The following GATD1 variants were observed in gnomAD, a reference collection of about 807,000 sequenced individuals.
GATD1 encodes glutamine amidotransferase class 1 domain containing 1, also known as glutamine amidotransferase-like class 1 domain-containing protein 1.
GATD1 carries 23 observed loss-of-function variants against 25.9 expected under a neutral mutation model. The ratio of observed to expected loss-of-function variants is 0.89; its 90% CI spans 0.64 to 1.26. GATD1 has a LOEUF of 1.26. Ranked by LOEUF, GATD1 falls within the 50% of genes most tolerant of loss-of-function variation. GATD1 has a pLI of 0.00. For synonymous variants in GATD1, 177 were observed against 134.6 expected (o/e 1.31, Z -2.18); for missense variants, 347 against 312.5 (o/e 1.11, Z -0.83).
Position 771,297 on chromosome 11 carries a change from T to C in GATD1, c.544+36A>G, listed in dbSNP as rs891857990. The C allele has an allele frequency of 3.7e-6, 6 of 1,600,354 alleles. No homozygotes were observed. The East Asian group carries it at 1.1e-4, about 30-fold the overall frequency. ...TGCAGCAGGGAAGCCCCCCACCCCATCTTCTGTAAGTGCAGGGGGCACCCT... is the reference window on the plus strand; with the variant it reads ...TGCAGCAGGGAAGCCCCCCACCCCACCTTCTGTAAGTGCAGGGGGCACCCT... On this transcript the variant is annotated intron_variant, in intron 6 of 7. Coordinates refer to ENST00000319863, the MANE Select transcript of GATD1 (RefSeq NM_182612.4).
Position 776,506 on chromosome 11 carries a change from C to CA in GATD1, c.64+892dup, listed in dbSNP as rs1339215486. Among the ~76,000 whole-genome samples, 4 of 151,838 alleles carry CA rather than the reference C, an allele frequency of 2.6e-5. No homozygotes were observed. In the East Asian group the frequency reaches 7.8e-4, roughly 30 times the overall value. On this transcript the variant is annotated intron_variant, in intron 1 of 7. Coordinates refer to ENST00000319863, the MANE Select transcript of GATD1 (RefSeq NM_182612.4). ...GGAAACAAGCCCCAACCCACCCCCCCAGGACTGAACCCCACTCGAGGCTCC... is the reference window on the plus strand; with the variant it reads ...GGAAACAAGCCCCAACCCACCCCCCCAAGGACTGAACCCCACTCGAGGCTCC...
In GATD1 at chr11:767,521, GC is replaced by G; in HGVS notation, c.*3375del. On this transcript the variant is annotated 3_prime_UTR_variant, in exon 8 of 8. Coordinates refer to ENST00000319863, the MANE Select transcript of GATD1 (RefSeq NM_182612.4). Reference sequence around the variant, plus strand: ...GTCAGAACCCACTTCACATCCCAAAGCCCCACCTGCTTTGATCTTCAATGCT... The same window carrying G: ...GTCAGAACCCACTTCACATCCCAAAGCCCACCTGCTTTGATCTTCAATGCT... 2 of 1,426,454 alleles carry G rather than the reference GC, an allele frequency of 1.4e-6. No individual in the cohort carries two copies. The highest frequency in any genetic ancestry group is 1.8e-6 in the Non-Finnish European group (2 of 1,096,348). The allele number at this position is 1,426,454 out of a possible 1,614,324, so 88.4% of individuals were successfully genotyped here.
At position 767,430 on chromosome 11, in the gene GATD1, CGCA is replaced by C; in HGVS notation, c.*3464_*3466del. The C allele has an allele frequency of 6.6e-7, 1 of 1,510,534 alleles. No individual in the cohort carries two copies. The highest frequency in any genetic ancestry group is 8.8e-7 in the Non-Finnish European group (1 of 1,134,678). 93.6% of individuals were successfully genotyped at this position (1,510,534 alleles called of 1,614,324 possible). A position where few individuals can be genotyped will look rare whatever the true frequency, so the allele number is the denominator to read the frequency against. ...GGCTCTCCAAGCCAGAGGCCTCGCACGCAGCTGAGGAATGACGCAGGGGCCTGC... is the reference window on the plus strand; with the variant it reads ...GGCTCTCCAAGCCAGAGGCCTCGCACGCTGAGGAATGACGCAGGGGCCTGC... On this transcript the variant is annotated 3_prime_UTR_variant, in exon 8 of 8. Transcript: ENST00000319863.
intron 3 of GATD1, 146 bp downstream of exon 3, chr11:773,862 G>C: frequency 2.7e-6 from 2 of 741,170 alleles, no homozygotes; most frequent in South Asian, 3.6e-5. Context: ...CTGGGGCCCA[G>C]GATGTGGGGC....
chr11:775,211 C>T, intron 1 of GATD1, 69 bp from the exon 2 acceptor site: 1 of 1,346,804 alleles, frequency 7.4e-7, no homozygotes, highest in South Asian at 1.3e-5. Flanking sequence ...GCTACCCAGA[C>T]ACCCCCATGG....
chr11:773,870 G>C (rs538287727), intron 3 of GATD1, 138 bp downstream of exon 3: 1 of 765,278 alleles, frequency 1.3e-6, no homozygotes, highest in Non-Finnish European at 2.1e-6. Context: ...CAGGATGTGG[G>C]GCTGGAGGCT....
intron 4 of GATD1, 184 bp downstream of exon 4, chr11:773,338 A>G: frequency 1.7e-6 from 1 of 573,682 alleles, no homozygotes; most frequent in Non-Finnish European, 3.1e-6. Context: ...GGAGACGACA[A>G]AGTCTGTGTG....
chr11:772,099 G>C (rs1332017135), intron 5 of GATD1, among the ~76,000 whole-genome samples: 3 of 152,184 alleles, frequency 2.0e-5, no homozygotes, highest in Non-Finnish European at 4.4e-5. Flanking sequence ...GACTGCACAC[G>C]CAAGTCTGAT....
At chr11:773,427 C>T in intron 4 of GATD1, 95 bp downstream of exon 4, 1 of 1,049,908 alleles carries the variant, frequency 9.5e-7, no homozygotes, top group Non-Finnish European at 1.4e-6. Context: ...GAAACGCCTA[C>T]CTGGAGTCTT....
chr11:774,714 C>T (rs531248978), intron 2 of GATD1, among the ~76,000 whole-genome samples: 78 of 152,328 alleles, frequency 5.1e-4, no homozygotes, highest in African/African-American at 1.8e-3. Context: ...CCTGTAATCC[C>T]AGCTACTCGG....
At chr11:776,504 C>A (rs557869497) in intron 1 of GATD1, among the ~76,000 whole-genome samples, 3 of 152,052 alleles carry the variant, frequency 2.0e-5, no homozygotes, top group African/African-American at 4.8e-5. Flanking sequence ...AACCCACCCC[C>A]CCAGGACTGA....
Position 774,093 on chromosome 11 carries a change from C to A in GATD1, c.162G>T (p.Val54=). The A allele has an allele frequency of 2.5e-6, 4 of 1,613,664 alleles. No individual in the cohort carries two copies. Among genetic ancestry groups the A allele is most frequent in the Non-Finnish European group, 3.4e-6 (4 of 1,179,962 alleles). ...ATPGGKAMEF[V]DVTESNARWV... is the part of the protein sequence containing the mutation. ...AGCGTGCATTGCTCTCAGTCACATC[C>A]ACAAATTCCATGGCTTTCCCCTGGA... Residue 54 remains valine (V), a synonymous_variant, in exon 3 of 8, where the codon GTG becomes GTT. Coordinates refer to ENST00000319863, the MANE Select transcript of GATD1 (RefSeq NM_182612.4).
rs1161731497 is a variant in GATD1 at position 768,952 on chromosome 11, T to C, written c.*1945A>G. 1 of 180,604 alleles carries C rather than the reference T, an allele frequency of 5.5e-6. No individual in the cohort carries two copies. The highest frequency in any genetic ancestry group is 1.1e-5 in the Non-Finnish European group (1 of 94,376). The allele number at this position is 180,604 out of a possible 1,614,324, so 11.2% of individuals were successfully genotyped here. A position where few individuals can be genotyped will look rare whatever the true frequency, so the allele number is the denominator to read the frequency against. On this transcript the variant is annotated 3_prime_UTR_variant, in exon 8 of 8. Transcript: ENST00000319863. ...TCGGTCTCTACGAAAAATACAAAAA[T>C]TAGCCAGGCGTGGTGGCGCACACCT...
chr11:773,562 G>C lies in GATD1; in HGVS notation c.315C>G (p.Gly105=), dbSNP rs751399181. The C allele has an allele frequency of 6.2e-7, 1 of 1,610,170 alleles. No homozygotes were observed. Among genetic ancestry groups the C allele is most frequent in the Non-Finnish European group, 8.5e-7 (1 of 1,179,026 alleles). ...AGTGCTGCAGGATACGGGCCAGGGA[G>C]CCACTGCTGGCCAGGTCGGTCAGGG... ...PGALTDLASS[G]SLARILQHFH... The change falls in exon 4 of 8, where the codon GGC becomes GGG. Residue 105 remains glycine, a synonymous_variant. Coordinates refer to ENST00000319863, the MANE Select transcript of GATD1 (RefSeq NM_182612.4).
chr11:772,404 T>C lies in GATD1; in HGVS notation c.450+23A>G, dbSNP rs771612351. 1.9e-6 allele frequency: 3 copies of C among 1,598,354 alleles called. No homozygotes were observed. In the African/African-American group the frequency reaches 4.0e-5, roughly 22 times the overall value. ...GGAGGACAGAGCAGGGAGCACAGCG[T>C]GCCTCGGCCTCCAGACACTCACCCC... On this transcript the variant is annotated intron_variant, in intron 5 of 7. Coordinates refer to ENST00000319863, the MANE Select transcript of GATD1 (RefSeq NM_182612.4).
chr11:767,640 A>C lies in GATD1; in HGVS notation c.*3257T>G. On this transcript the variant is annotated 3_prime_UTR_variant, in exon 8 of 8. Transcript: ENST00000319863. ...CTGTGGCCTGAGCACGTCCCCCCAA[A>C]ACCCACCTGCTTAAGTCCTCACCTG... 7.7e-7 allele frequency: 1 copy of C among 1,293,980 alleles called. No homozygotes were observed. 80.2% of individuals were successfully genotyped at this position (1,293,980 alleles called of 1,614,324 possible). A position where few individuals can be genotyped will look rare whatever the true frequency, so the allele number is the denominator to read the frequency against.
In GATD1 at chr11:770,414, C is replaced by A; in HGVS notation, c.*483G>T. On this transcript the variant is annotated 3_prime_UTR_variant, in exon 8 of 8. Coordinates refer to ENST00000319863, the MANE Select transcript of GATD1 (RefSeq NM_182612.4). ...GCTGCTGCTCCTAAAAAATTCCGTTCACCTTTGGCCAAAGTTCTGAGCCAG... is the reference window on the plus strand; with the variant it reads ...GCTGCTGCTCCTAAAAAATTCCGTTAACCTTTGGCCAAAGTTCTGAGCCAG... The A allele has an allele frequency of 6.6e-7, 1 of 1,515,862 alleles. No individual in the cohort carries two copies. 93.9% of individuals were successfully genotyped at this position (1,515,862 alleles called of 1,614,324 possible).
At chr11:775,972 CATTCTTT>C (rs1863922661) in intron 1 of GATD1, among the ~76,000 whole-genome samples, 2 of 109,630 alleles carry the variant, frequency 1.8e-5, no homozygotes, top group African/African-American at 3.6e-5. Context: ...TTTTTATCTT[CATTCTTT>C]TTTTTTTTTT....
In GATD1 at chr11:767,631, T is replaced by TC; in HGVS notation, c.*3265dup. 3.0e-6 allele frequency: 4 copies of TC among 1,325,632 alleles called. No homozygotes were observed. Among genetic ancestry groups the TC allele is most frequent in the South Asian group, 1.9e-5 (1 of 53,894 alleles). 82.1% of individuals were successfully genotyped at this position (1,325,632 alleles called of 1,614,324 possible). The stretch of plus-strand genomic sequence containing the variant: ...TGCACCCTGCTGTGGCCTGAGCACG[T>TC]CCCCCCAAAACCCACCTGCTTAAGT... On this transcript the variant is annotated 3_prime_UTR_variant, in exon 8 of 8. Coordinates refer to ENST00000319863, the MANE Select transcript of GATD1 (RefSeq NM_182612.4).
Sources: allele counts gnomAD v4.1 joint callset (sites outside exome capture counted in the v4.1 genomes callset), GRCh38; gene constraint gnomAD v4.1.1; transcripts MANE v1.5; gene names NCBI Gene and HGNC (gene_info 2026-07-23, HGNC 2026-07-21).